ATP12A: variants seen among roughly 807,000 people sequenced by gnomAD.
ATP12A encodes the protein ATPase H+/K+ transporting non-gastric alpha2 subunit.
A neutral mutation model predicts 111.2 loss-of-function variants in ATP12A; 81 were observed. That is an observed-to-expected ratio of 0.73 (90% confidence interval 0.61 to 0.88). The LOEUF (loss-of-function observed/expected upper bound fraction) is 0.88, where lower values mean the gene tolerates loss of function less well. Ranked by LOEUF, ATP12A falls within the 40% of genes least tolerant of loss-of-function variation. ATP12A has a pLI of 0.00. For synonymous variants in ATP12A, 498 were observed against 499.8 expected, an observed-to-expected ratio of 1.00 and a Z score of 0.05; for missense variants, 1,196 against 1,313.1, an observed-to-expected ratio of 0.91 and a Z score of 1.38.
At position 24,700,804 on chromosome 13, in the gene ATP12A, T is replaced by C. The variant is rs1875359471; in HGVS notation, c.1763T>C (p.Ile588Thr). 2 of 1,614,166 alleles carry C rather than the reference T, an allele frequency of 1.2e-6. No homozygotes were observed. Among genetic ancestry groups the C allele is most frequent in the Non-Finnish European group, 1.7e-6 (2 of 1,180,030 alleles). Residue 588 changes from isoleucine (I) to threonine (T), a missense_variant, in exon 13 of 23, where the codon ATA (isoleucine) becomes ACA (threonine). Transcript: ENST00000381946. ...DEFPETYSFD[I>T]DAMNFPTSNL... ...TTTCCAGAAACCTACTCATTTGACA[T>C]AGACGCTATGAACTTTCCGACCTCC...
At chr13:24,686,459 G>A (rs1874669128) in intron 3 of ATP12A, among the ~76,000 whole-genome samples, 4 of 136,912 alleles carry the variant, frequency 2.9e-5, no homozygotes, top group Non-Finnish European at 4.8e-5. Flanking sequence ...AAAAAAAAAG[G>A]GCCGGGCGTG....
chr13:24,680,762 GC>G lies in ATP12A; in HGVS notation c.9+15del, dbSNP rs1214352267. ...GCCCAGCATGCACCAGGTGCGTGCA[GC>G]CCCCGCGCCGGCCGAGGATGCGAGA... On this transcript the variant is annotated intron_variant, in intron 1 of 22. Coordinates refer to ENST00000381946, the MANE Select transcript of ATP12A (RefSeq NM_001676.7). 2.0e-6 allele frequency: 3 copies of G among 1,491,602 alleles called. No homozygotes were observed. The highest frequency in any genetic ancestry group is 2.8e-5 in the East Asian group (1 of 35,470). The allele number at this position is 1,491,602 out of a possible 1,614,324, so 92.4% of individuals were successfully genotyped here.
At chr13:24,710,702 G>A (rs1169803646) in intron 20 of ATP12A, 90 bp from the exon 21 acceptor site, 5 of 1,600,160 alleles carry the variant, frequency 3.1e-6, no homozygotes, top group Non-Finnish European at 4.3e-6. Context: ...AACCCCAGAG[G>A]CATTGATTTT....
chr13:24,682,038 ATG>A (rs1566067923), intron 2 of ATP12A, among the ~76,000 whole-genome samples: 16 of 8,942 alleles, frequency 1.8e-3, no homozygotes, highest in Admixed American at 3.8e-3. Flanking sequence ...TGGTGTGTGT[ATG>A]TGTGTGGTGT....
intron 13 of ATP12A, among the ~76,000 whole-genome samples, chr13:24,701,501 C>CAAAAAAAAAAAAAAAAAGAAAGAA (rs1875392537): frequency 9.9e-6 from 1 of 101,398 alleles, no homozygotes; most frequent in African/African-American, 3.7e-5. Context: ...AACTCTGTCT[C>CAAAAAAAAAAAAAAAAAGAAAGAA]AAAAAAAAAA....
intron 20 of ATP12A, 96 bp from the exon 21 acceptor site, chr13:24,710,696 C>T: frequency 6.2e-7 from 1 of 1,601,964 alleles, no homozygotes; most frequent in Non-Finnish European, 8.5e-7. Flanking sequence ...ACTTGTAACC[C>T]CAGAGGCATT....
In ATP12A at chr13:24,685,893, G is replaced by C. The variant is rs1593130993; in HGVS notation, c.228+520G>C. Reference sequence around the variant, plus strand: ...GCCGGAAGCTAGTATGTGTGGAGAGGGGACAGGTGCAGCAGGAATGAAGCC... The same window carrying C: ...GCCGGAAGCTAGTATGTGTGGAGAGCGGACAGGTGCAGCAGGAATGAAGCC... On this transcript the variant is annotated intron_variant, in intron 3 of 22. Coordinates refer to ENST00000381946, the MANE Select transcript of ATP12A (RefSeq NM_001676.7). This position sits in a 1 kb window ranked among gnomAD's most constrained non-coding sequence, Gnocchi z 5.5. 6.6e-6 allele frequency among the ~76,000 whole-genome samples: 1 copy of C among 152,182 alleles called. No homozygotes were observed. The highest frequency in any genetic ancestry group is 1.5e-5 in the Non-Finnish European group (1 of 68,046).
intron 4 of ATP12A, among the ~76,000 whole-genome samples, 186 bp from the exon 5 acceptor site, chr13:24,689,076 A>G (rs1874771769): frequency 6.7e-6 from 1 of 149,088 alleles, no homozygotes; most frequent in Non-Finnish European, 1.5e-5. Flanking sequence ...GGGTGGTGTC[A>G]TGGCTCTGTA....
chr13:24,680,703 C>A lies in ATP12A; in HGVS notation c.-41C>A. The A allele has an allele frequency of 6.7e-7, 1 of 1,501,988 alleles. No individual in the cohort carries two copies. Among genetic ancestry groups the A allele is most frequent in the South Asian group, 1.2e-5 (1 of 81,086 alleles). 93.0% of individuals were successfully genotyped at this position (1,501,988 alleles called of 1,614,324 possible). The stretch of plus-strand genomic sequence containing the variant: ...GCGCTCCGCCGCTGCGGTCCCGGAT[C>A]CGCGCTCCACGCCCGCAGCCCGCGG... On this transcript the variant is annotated 5_prime_UTR_variant, in exon 1 of 23. Transcript: ENST00000381946.
intron 1 of ATP12A, 145 bp from the exon 2 acceptor site, chr13:24,681,417 C>T (rs561893702): frequency 5.1e-6 from 5 of 980,616 alleles, no homozygotes; most frequent in African/African-American, 3.3e-5. Context: ...CTCCACTGTC[C>T]GACTCCCTCC....
At chr13:24,708,955 AAGAAAGAAGG>A (rs1875825112) in intron 17 of ATP12A, among the ~76,000 whole-genome samples, 2 of 137,102 alleles carry the variant, frequency 1.5e-5, no homozygotes, top group African/African-American at 5.4e-5. Context: ...GAAAGAAAGA[AAGAAAGAAGG>A]AAAGAGAAAG....
chr13:24,683,548 A>G (rs1460719047), intron 2 of ATP12A, among the ~76,000 whole-genome samples: 1 of 152,184 alleles, frequency 6.6e-6, no homozygotes, highest in African/African-American at 2.4e-5. Context: ...CTTTGTATTG[A>G]TCGTTCCTGG....
chr13:24,692,299 A>T, intron 8 of ATP12A, 130 bp from the exon 9 acceptor site: 1 of 976,034 alleles, frequency 1.0e-6, no homozygotes, highest in Non-Finnish European at 1.5e-6. Flanking sequence ...GCTGACAACC[A>T]CACCTCTCCC....
chr13:24,683,341 T>C (rs1343856035), intron 2 of ATP12A, among the ~76,000 whole-genome samples: 1 of 152,250 alleles, frequency 6.6e-6, no homozygotes, highest in African/African-American at 2.4e-5. Context: ...GGGAAACTTC[T>C]ACACGGAGCT....
intron 19 of ATP12A, 117 bp downstream of exon 19, chr13:24,709,945 AG>A: frequency 1.4e-6 from 2 of 1,424,196 alleles, no homozygotes; most frequent in Non-Finnish European, 1.9e-6. Flanking sequence ...TTCAATTAAT[AG>A]GGCTCAGGGC....
At chr13:24,697,102 TG>T (rs1404189911) in intron 11 of ATP12A, among the ~76,000 whole-genome samples, 1 of 152,238 alleles carries the variant, frequency 6.6e-6, no homozygotes, top group African/African-American at 2.4e-5. Context: ...CCTGCTAGCC[TG>T]GGCTCAAATC....
intron 16 of ATP12A, 30 bp downstream of exon 16, chr13:24,707,221 G>A: frequency 6.2e-7 from 1 of 1,613,482 alleles, no homozygotes; most frequent in East Asian, 2.2e-5. Flanking sequence ...TCTTCCCAAG[G>A]GCCAGGGTGG....
At position 24,696,542 on chromosome 13, in the gene ATP12A, T is replaced by TA. The variant is rs1271255255; in HGVS notation, c.1512+1975dup. On this transcript the variant is annotated intron_variant, in intron 11 of 22. Transcript: ENST00000381946. ...TAACAAGGTGAAACCCCGTCTCTAC[T>TA]AAAAAAAAAAATACAAAAAATTAGC... Among the ~76,000 whole-genome samples, 67 of 114,052 alleles carry TA rather than the reference T, an allele frequency of 5.9e-4. 5 individuals are homozygous for TA. Among genetic ancestry groups the TA allele is most frequent in the Admixed American group, 1.5e-3 (14 of 9,470 alleles). The allele number at this position is 114,052 out of a possible 152,430, so 74.8% of individuals were successfully genotyped here.
In ATP12A at chr13:24,680,654, C is replaced by G. The variant is rs1874394182; in HGVS notation, c.-90C>G. On this transcript the variant is annotated 5_prime_UTR_variant, in exon 1 of 23. Coordinates refer to ENST00000381946, the MANE Select transcript of ATP12A (RefSeq NM_001676.7). ...AACACCTCAGCCACTGCCACTGCCA[C>G]AGCCACACGAGGCCCCCCACCGTGC... The G allele has an allele frequency of 6.9e-7, 1 of 1,447,154 alleles. No individual in the cohort carries two copies. Among genetic ancestry groups the G allele is most frequent in the African/African-American group, 1.5e-5 (1 of 67,386 alleles). 89.6% of individuals were successfully genotyped at this position (1,447,154 alleles called of 1,614,324 possible). A position where few individuals can be genotyped will look rare whatever the true frequency, so the allele number is the denominator to read the frequency against.
Sources: allele counts gnomAD v4.1 joint callset (sites outside exome capture counted in the v4.1 genomes callset), GRCh38; gene constraint gnomAD v4.1.1; non-coding constraint Gnocchi (gnomAD v3.1); transcripts MANE v1.5; gene names NCBI Gene and HGNC (gene_info 2026-07-23, HGNC 2026-07-21).